The following SPTLC2 variants were observed in gnomAD, a reference collection of about 807,000 sequenced individuals.
The protein encoded by SPTLC2 is serine palmitoyltransferase 2.
SPTLC2 carries 21 observed loss-of-function variants against 62.0 expected under a neutral mutation model. That is an observed-to-expected ratio of 0.34 (90% confidence interval 0.24 to 0.49). SPTLC2 has a LOEUF of 0.49. Ranked by LOEUF, SPTLC2 falls within the 20% of genes least tolerant of loss-of-function variation. SPTLC2 has a pLI of 0.99. For missense variants in SPTLC2, 511 were observed against 713.0 expected, an observed-to-expected ratio of 0.72 and a Z score of 3.23; for synonymous variants, 261 against 261.8, an observed-to-expected ratio of 1.00 and a Z score of 0.03.
At chr14:77,520,450 T>C (rs541075982) in intron 10 of SPTLC2, among the ~76,000 whole-genome samples, 1 of 152,310 alleles carries the variant, frequency 6.6e-6, no homozygotes, top group African/African-American at 2.4e-5. Context: ...ACACTGGGGA[T>C]TCAAAAATTT....
chr14:77,599,228 A>G (rs767926261), intron 1 of SPTLC2, among the ~76,000 whole-genome samples: 2 of 152,212 alleles, frequency 1.3e-5, no homozygotes, highest in Non-Finnish European at 2.9e-5. Context: ...GTTAACTTTA[A>G]TCTTAACTTT....
intron 5 of SPTLC2, among the ~76,000 whole-genome samples, 155 bp downstream of exon 5, chr14:77,570,229 A>AG (rs1473809533): frequency 6.6e-6 from 1 of 151,510 alleles, no homozygotes; most frequent in Admixed American, 6.6e-5. Context: ...TCTCAAAAAA[A>AG]AAAAAAAAAA....
At chr14:77,543,568 T>C (rs2079512814) in intron 9 of SPTLC2, among the ~76,000 whole-genome samples, 1 of 152,198 alleles carries the variant, frequency 6.6e-6, no homozygotes, top group Non-Finnish European at 1.5e-5. Flanking sequence ...AACAACTTTA[T>C]AGTGGGCAAG....
At chr14:77,550,040 C>G (rs28612799) in intron 9 of SPTLC2, among the ~76,000 whole-genome samples, 1 of 152,166 alleles carries the variant, frequency 6.6e-6, no homozygotes, top group Non-Finnish European at 1.5e-5. Context: ...ATGTCTGTCT[C>G]TCAGATTCAC....
chr14:77,588,639 CG>C (rs1434323245), intron 2 of SPTLC2, among the ~76,000 whole-genome samples: 1 of 151,082 alleles, frequency 6.6e-6, no homozygotes, highest in Non-Finnish European at 1.5e-5. Flanking sequence ...AAGGTTGCAG[CG>C]AGCTGAGATT....
intron 8 of SPTLC2, among the ~76,000 whole-genome samples, chr14:77,552,705 C>G (rs905237207): frequency 6.6e-6 from 1 of 150,562 alleles, no homozygotes; most frequent in Non-Finnish European, 1.5e-5. Context: ...ACTTGGGAGG[C>G]TGAGGCAGGA....
intron 9 of SPTLC2, among the ~76,000 whole-genome samples, chr14:77,549,191 T>G (rs2140015163): frequency 6.9e-6 from 1 of 145,576 alleles, no homozygotes; most frequent in Non-Finnish European, 1.5e-5. Flanking sequence ...TCTGGTTGTT[T>G]AAAAAAGCAT....
rs372451603 is a variant in SPTLC2 at position 77,605,538 on chromosome 14, C to A, written c.133-8158G>T. 2.6e-5 allele frequency among the ~76,000 whole-genome samples: 4 copies of A among 152,196 alleles called. No individual in the cohort carries two copies. In the East Asian group the frequency reaches 7.7e-4, roughly 29 times the overall value. On this transcript the variant is annotated intron_variant, in intron 1 of 11. Transcript: ENST00000216484. ...ATTAAAATTCCAGAGGGAGAAGAGG[C>A]CTCTCTAGGTGAGCTGAAAGTGCCA...
intron 8 of SPTLC2, among the ~76,000 whole-genome samples, chr14:77,554,025 C>T (rs1394898647): frequency 5.9e-5 from 9 of 152,038 alleles, no homozygotes. Context: ...CACTATGTTG[C>T]CCAGCTGGTA....
At chr14:77,535,807 G>A (rs1168737705) in intron 9 of SPTLC2, 4 of 345,556 alleles carry the variant, frequency 1.2e-5, no homozygotes, top group Admixed American at 8.6e-5. Flanking sequence ...ATTATGACTG[G>A]CTGGCTATTA....
intron 9 of SPTLC2, among the ~76,000 whole-genome samples, chr14:77,533,893 C>T (rs558871346): frequency 9.2e-4 from 140 of 152,270 alleles, no homozygotes; most frequent in African/African-American, 3.1e-3. Flanking sequence ...CGCAGTGGCT[C>T]ATGCCTGTAA....
rs116965810 is a variant in SPTLC2 at position 77,554,509 on chromosome 14, G to C, written c.1176+791C>G. The stretch of plus-strand genomic sequence containing the variant: ...ACATATTTTAAAACATGCAATATGT[G>C]ACTTTTTGTGACTTTTTTCACTTAC... On this transcript the variant is annotated intron_variant, in intron 8 of 11. Coordinates refer to ENST00000216484, the MANE Select transcript of SPTLC2 (RefSeq NM_004863.4). Among the ~76,000 whole-genome samples, 611 of 152,298 alleles carry C rather than the reference G, an allele frequency of 4.0e-3. 4 individuals are homozygous for C. Among genetic ancestry groups the C allele is most frequent in the Non-Finnish European group, 6.2e-3 (422 of 68,028 alleles).
At chr14:77,514,352 C>T (rs563300124) in intron 11 of SPTLC2, among the ~76,000 whole-genome samples, 9 of 152,184 alleles carry the variant, frequency 5.9e-5, no homozygotes, top group Admixed American at 5.9e-4. Context: ...TCCTTTGATC[C>T]CACTCCAAAT....
intron 9 of SPTLC2, among the ~76,000 whole-genome samples, chr14:77,548,000 T>G (rs778748003): frequency 5.3e-5 from 8 of 151,300 alleles, no homozygotes; most frequent in Non-Finnish European, 1.2e-4. Flanking sequence ...TTAATTCAAA[T>G]GAGCCAAACC....
In SPTLC2 at chr14:77,613,838, C is replaced by CT. The variant is rs1309234689; in HGVS notation, c.132+2609dup. On this transcript the variant is annotated intron_variant, in intron 1 of 11. Coordinates refer to ENST00000216484, the MANE Select transcript of SPTLC2 (RefSeq NM_004863.4). ...TAGAGGTTGGAGCACAAGCACATCG[C>CT]TTTAATTAAAAATGAAAACAACTTT... Among the ~76,000 whole-genome samples, 8 of 152,162 alleles carry CT rather than the reference C, an allele frequency of 5.3e-5. 1 individual carries two copies. The highest frequency in any genetic ancestry group is 1.9e-4 in the African/African-American group (8 of 41,438).
At chr14:77,523,124 G>A (rs2079392848) in intron 9 of SPTLC2, among the ~76,000 whole-genome samples, 1 of 152,150 alleles carries the variant, frequency 6.6e-6, no homozygotes, top group Non-Finnish European at 1.5e-5. Flanking sequence ...AAGTATGTTG[G>A]GAACTGATGA....
intron 2 of SPTLC2, among the ~76,000 whole-genome samples, chr14:77,580,955 C>G (rs1018363618): frequency 6.6e-6 from 1 of 152,194 alleles, no homozygotes; most frequent in Non-Finnish European, 1.5e-5. Flanking sequence ...TGTACTAAAA[C>G]TTAAGTCTGT....
intron 1 of SPTLC2, among the ~76,000 whole-genome samples, chr14:77,598,861 G>C (rs772892079): frequency 1.3e-5 from 2 of 150,476 alleles, no homozygotes; most frequent in Admixed American, 6.6e-5. Context: ...CCTGAGCCCA[G>C]AAGGTCGAGA....
rs2079307739 is a variant in SPTLC2 at position 77,506,774 on chromosome 14, G to A, written c.*5510C>T. ...TGCATAGAAGCATTCACTCATCCAT[G>A]CAGATGGCAACAAGGCAGGACACTC... On this transcript the variant is annotated 3_prime_UTR_variant, in exon 12 of 12. Transcript: ENST00000216484. 6.6e-6 allele frequency: 1 copy of A among 152,206 alleles called. No individual in the cohort carries two copies. Among genetic ancestry groups the A allele is most frequent in the East Asian group, 1.9e-4 (1 of 5,200 alleles). The allele number at this position is 152,206 out of a possible 1,614,324, so 9.4% of individuals were successfully genotyped here. A position where few individuals can be genotyped will look rare whatever the true frequency, so the allele number is the denominator to read the frequency against.
Sources: allele counts gnomAD v4.1 joint callset (sites outside exome capture counted in the v4.1 genomes callset), GRCh38; gene constraint gnomAD v4.1.1; transcripts MANE v1.5; gene names NCBI Gene and HGNC (gene_info 2026-07-23, HGNC 2026-07-21).